MTUS2: variants seen among roughly 807,000 people sequenced by gnomAD.
The protein encoded by MTUS2 is microtubule-associated tumor suppressor candidate 2.
In MTUS2, 40 loss-of-function variants were observed where a neutral mutation model predicts 114.1. The ratio of observed to expected loss-of-function variants is 0.35; its 90% confidence interval spans 0.27 to 0.46. The LOEUF (loss-of-function observed/expected upper bound fraction) is 0.46, where lower values mean the gene tolerates loss of function less well. Ranked by LOEUF, MTUS2 falls within the 20% of genes least tolerant of loss-of-function variation. The probability of loss-of-function intolerance (pLI) is 1.00; values close to 1 mark genes in which losing one functional copy is unlikely to be tolerated. For missense variants in MTUS2, 1,679 were observed against 1,705.4 expected (o/e 0.98, Z 0.27); for synonymous variants, 688 against 672.0 (o/e 1.02, Z -0.37).
chr13:29,370,649 T>A (rs1871117566), intron 8 of MTUS2, among the ~76,000 whole-genome samples: 1 of 152,202 alleles, frequency 6.6e-6, no homozygotes, highest in Admixed American at 6.5e-5. Flanking sequence ...GCCAGTGCTA[T>A]GCTCTTGGAC....
chr13:29,104,551 T>C (rs1890573635), intron 5 of MTUS2, among the ~76,000 whole-genome samples: 1 of 152,158 alleles, frequency 6.6e-6, no homozygotes, highest in Non-Finnish European at 1.5e-5. Flanking sequence ...CCTCTGAGGC[T>C]CTCCTTAGGA....
chr13:29,249,720 G>A (rs1897057113), intron 5 of MTUS2, among the ~76,000 whole-genome samples: 1 of 151,910 alleles, frequency 6.6e-6, no homozygotes, highest in Admixed American at 6.6e-5. Context: ...TTGTCAGATG[G>A]GTGTTTTCCA....
intron 5 of MTUS2, among the ~76,000 whole-genome samples, chr13:29,244,282 C>T (rs1002520432): frequency 6.6e-6 from 1 of 152,158 alleles, no homozygotes; most frequent in African/African-American, 2.4e-5. Context: ...GGGCCATTTC[C>T]TCCAGCAGTA....
chr13:29,334,534 T>A (rs1227134124), intron 7 of MTUS2, among the ~76,000 whole-genome samples: 1 of 152,192 alleles, frequency 6.6e-6, no homozygotes, highest in Non-Finnish European at 1.5e-5. Context: ...TGGCCCACAC[T>A]CTCTTCTGGC....
At chr13:29,099,004 C>T (rs994787254) in intron 4 of MTUS2, among the ~76,000 whole-genome samples, 4 of 152,176 alleles carry the variant, frequency 2.6e-5, no homozygotes, top group African/African-American at 9.7e-5. Context: ...TGTTTAGCAA[C>T]TCTTTTCCTG....
chr13:29,400,436 A>G (rs1174547497), intron 8 of MTUS2, among the ~76,000 whole-genome samples: 1 of 152,264 alleles, frequency 6.6e-6, no homozygotes, highest in African/African-American at 2.4e-5. Flanking sequence ...ATCTCTAAGC[A>G]GCACAGAAAT....
chr13:28,913,715 G>A (rs1055119029), intron 2 of MTUS2, among the ~76,000 whole-genome samples: 1 of 152,030 alleles, frequency 6.6e-6, no homozygotes, highest in Non-Finnish European at 1.5e-5. Context: ...TGTACCTCTG[G>A]TAGTATTCAG....
chr13:29,297,346 A>G (rs1315588302), intron 6 of MTUS2, among the ~76,000 whole-genome samples: 2 of 152,216 alleles, frequency 1.3e-5, no homozygotes, highest in Non-Finnish European at 2.9e-5. Flanking sequence ...CTTTTTAAAA[A>G]AGATACGTTT....
chr13:29,498,271 G>A, intron 13 of MTUS2, 147 bp from the exon 14 acceptor site: 2 of 1,150,250 alleles, frequency 1.7e-6, no homozygotes, highest in Non-Finnish European at 1.2e-6. Context: ...ATCAGGGAAG[G>A]CTGTGAGCAT....
intron 6 of MTUS2, among the ~76,000 whole-genome samples, chr13:29,309,193 T>TA (rs781727109): frequency 6.6e-6 from 1 of 152,136 alleles, no homozygotes; most frequent in Non-Finnish European, 1.5e-5. Flanking sequence ...CCATCAATGA[T>TA]AGACTGGATA....
chr13:29,398,995 C>T (rs564470175), intron 8 of MTUS2, among the ~76,000 whole-genome samples: 1 of 152,214 alleles, frequency 6.6e-6, no homozygotes, highest in South Asian at 2.1e-4. Context: ...CGAGTCCGTA[C>T]AGTGAAGTGA....
intron 4 of MTUS2, among the ~76,000 whole-genome samples, chr13:29,076,303 T>G (rs1385128489): frequency 6.6e-6 from 1 of 152,232 alleles, no homozygotes; most frequent in Non-Finnish European, 1.5e-5. Context: ...ATGGTATTAA[T>G]AGCACCCTCT....
intron 5 of MTUS2, among the ~76,000 whole-genome samples, chr13:29,195,711 TG>T (rs541717490): frequency 1.3e-4 from 19 of 151,966 alleles, no homozygotes; most frequent in Non-Finnish European, 2.6e-4. Flanking sequence ...GGAGTCATAG[TG>T]GTGAAGCTGA....
intron 8 of MTUS2, among the ~76,000 whole-genome samples, chr13:29,375,149 A>G (rs543142517): frequency 8.1e-4 from 123 of 152,174 alleles, no homozygotes; most frequent in African/African-American, 2.9e-3. Context: ...TAAGAAACTC[A>G]CTGGGTGGAA....
chr13:28,907,075 A>G (rs1880074981), intron 2 of MTUS2, among the ~76,000 whole-genome samples: 1 of 151,668 alleles, frequency 6.6e-6, no homozygotes, highest in Admixed American at 6.6e-5. Flanking sequence ...CGTACAAGCC[A>G]GAAGAGAGTG....
intron 7 of MTUS2, among the ~76,000 whole-genome samples, chr13:29,326,545 A>G (rs1425250883): frequency 2.0e-5 from 3 of 152,166 alleles, no homozygotes; most frequent in Non-Finnish European, 4.4e-5. Context: ...TTCAATCAAT[A>G]TAAAGGAAGG....
intron 4 of MTUS2, among the ~76,000 whole-genome samples, chr13:29,040,751 G>A (rs1244835756): frequency 2.0e-5 from 3 of 151,764 alleles, no homozygotes; most frequent in Non-Finnish European, 4.4e-5. Context: ...TTGGCTATTT[G>A]TATATTTGAG....
intron 4 of MTUS2, among the ~76,000 whole-genome samples, chr13:29,067,817 G>A (rs899390609): frequency 9.2e-5 from 14 of 152,194 alleles, no homozygotes; most frequent in African/African-American, 3.4e-4. Context: ...AACAGGAAAT[G>A]AGGGATTGAG....
intron 6 of MTUS2, among the ~76,000 whole-genome samples, chr13:29,318,126 G>A (rs970042814): frequency 6.6e-6 from 1 of 152,114 alleles, no homozygotes; most frequent in Non-Finnish European, 1.5e-5. Context: ...ATACTTAGGG[G>A]ATAAAGTCTG....
Sources: allele counts gnomAD v4.1 joint callset (sites outside exome capture counted in the v4.1 genomes callset), GRCh38; gene constraint gnomAD v4.1.1; transcripts MANE v1.5; gene names NCBI Gene and HGNC (gene_info 2026-07-23, HGNC 2026-07-21).